Variants in CARHSP1 observed in about 807,000 individuals in gnomAD.
CARHSP1 encodes the protein calcium regulated heat stable protein 1.
Under a neutral mutation model 12.5 loss-of-function variants are expected in CARHSP1, and 14 were observed. The ratio of observed to expected loss-of-function variants is 1.12; its 90% CI spans 0.74 to 1.75. CARHSP1 has a LOEUF of 1.75. Ranked by LOEUF, CARHSP1 falls within the 40% of genes most tolerant of loss-of-function variation. The probability of loss-of-function intolerance (pLI) is 0.00; values close to 1 mark genes in which losing one functional copy is unlikely to be tolerated. For missense variants in CARHSP1, 343 were observed against 201.6 expected (o/e 1.70, Z -4.25); for synonymous variants, 161 against 82.0 (o/e 1.96, Z -5.20).
chr16:8,861,548 C>T, intron 1 of CARHSP1: 1 of 1,187,038 alleles, frequency 8.4e-7, no homozygotes, highest in Non-Finnish European at 1.1e-6. Context: ...AGGGATGCCC[C>T]ATCCCTGAAA....
At chr16:8,856,411 C>T (rs913231491) in intron 3 of CARHSP1, among the ~76,000 whole-genome samples, 4 of 152,234 alleles carry the variant, frequency 2.6e-5, no homozygotes, top group South Asian at 4.1e-4. Context: ...AATAAATCTG[C>T]AGCCTACTTC....
At position 8,853,302 on chromosome 16, in the gene CARHSP1, C is replaced by T. The variant is rs542192201; in HGVS notation, c.*1862G>A. 3 of 151,238 alleles carry T rather than the reference C, an allele frequency of 2.0e-5. No individual in the cohort carries two copies. Among genetic ancestry groups the T allele is most frequent in the East Asian group, 3.9e-4 (2 of 5,108 alleles). The allele number at this position is 151,238 out of a possible 1,614,324, so 9.4% of individuals were successfully genotyped here. On this transcript the variant is annotated 3_prime_UTR_variant, in exon 4 of 4. Transcript: ENST00000311052. ...GTGTGGACTGTACCAGCAGATGGGC[C>T]CTTGGGAAGCCAACAGGGAACAATT... is the stretch of plus-strand genomic sequence containing the variant.
chr16:8,858,269 G>C lies in CARHSP1; in HGVS notation c.281+81C>G, dbSNP rs2061215972. The C allele has an allele frequency of 9.8e-6, 15 of 1,524,702 alleles. No homozygotes were observed. The South Asian group carries it at 1.2e-4, about 12-fold the overall frequency. The allele number at this position is 1,524,702 out of a possible 1,614,324, so 94.4% of individuals were successfully genotyped here. On this transcript the variant is annotated intron_variant, in intron 3 of 3. Transcript: ENST00000311052. ...TCGTCCTCACACCCAGCGCCCATCA[G>C]AGTCACACACCATCCCCACCTCCAC...
intron 3 of CARHSP1, 143 bp from the exon 4 acceptor site, chr16:8,855,469 C>T (rs976299620): frequency 1.5e-6 from 1 of 663,326 alleles, no homozygotes; most frequent in Non-Finnish European, 2.3e-6. Flanking sequence ...CAAAGAACTG[C>T]CCCTCCACCA....
At chr16:8,858,960 C>A in intron 2 of CARHSP1, 1 of 484,244 alleles carries the variant, frequency 2.1e-6, no homozygotes, top group Non-Finnish European at 3.6e-6. Flanking sequence ...ATTGCCACTC[C>A]CAGCTGGTAA....
rs751899123 is a variant in CARHSP1 at position 8,854,215 on chromosome 16, C to T, written c.*949G>A. 6.6e-6 allele frequency: 1 copy of T among 152,030 alleles called. No individual in the cohort carries two copies. The highest frequency in any genetic ancestry group is 1.5e-5 in the Non-Finnish European group (1 of 68,012). The allele number at this position is 152,030 out of a possible 1,614,324, so 9.4% of individuals were successfully genotyped here. A position where few individuals can be genotyped will look rare whatever the true frequency, so the allele number is the denominator to read the frequency against. On this transcript the variant is annotated 3_prime_UTR_variant, in exon 4 of 4. Transcript: ENST00000311052. ...TTCTTAACACTAGTTTTAAAGAAAACCCCCTCTCCAAAGGTATGTTTCTCC... is the reference window on the plus strand; with the variant it reads ...TTCTTAACACTAGTTTTAAAGAAAATCCCCTCTCCAAAGGTATGTTTCTCC...
At position 8,860,140 on chromosome 16, in the gene CARHSP1, C is replaced by T. The variant is rs904444768; in HGVS notation, c.-7-805G>A. ...TGTCCGCCTCCAGGGAACTGTGGAA[C>T]ACGTCGCAGAGAGCTCAAGCGCCAC... On this transcript the variant is annotated intron_variant, in intron 1 of 3. Transcript: ENST00000311052. 6 of 985,350 alleles carry T rather than the reference C, an allele frequency of 6.1e-6. No homozygotes were observed. The African/African-American group carries it at 8.7e-5, about 14-fold the overall frequency. 61.0% of individuals were successfully genotyped at this position (985,350 alleles called of 1,614,324 possible).
rs915476509 is a variant in CARHSP1, at chr16:8,868,958, C to A, written c.-8+8G>T. On this transcript the variant is annotated splice_region_variant and intron_variant, in intron 1 of 3. Coordinates refer to ENST00000311052, the MANE Select transcript of CARHSP1 (RefSeq NM_014316.4). ...CCTATCCTGGGGTCCCCGAGAAGAG[C>A]TCCCTACCCTGCAATCCGTTCTGCT... is the stretch of plus-strand genomic sequence containing the variant. 3 of 151,986 alleles carry A rather than the reference C, an allele frequency of 2.0e-5. No homozygotes were observed. Among genetic ancestry groups the A allele is most frequent in the Admixed American group, 6.5e-5 (1 of 15,282 alleles). 9.4% of individuals were successfully genotyped at this position (151,986 alleles called of 1,614,324 possible).
At chr16:8,866,657 C>T (rs1260568851) in intron 1 of CARHSP1, among the ~76,000 whole-genome samples, 3 of 133,490 alleles carry the variant, frequency 2.2e-5, no homozygotes, top group Non-Finnish European at 4.7e-5. Flanking sequence ...TCCATTGTTC[C>T]GGGGAGAGCG....
chr16:8,856,567 G>C (rs1020923718), intron 3 of CARHSP1, among the ~76,000 whole-genome samples: 2 of 150,024 alleles, frequency 1.3e-5, no homozygotes, highest in Non-Finnish European at 1.5e-5. Flanking sequence ...GCATGCATAT[G>C]TGAAATGCGT....
chr16:8,862,506 C>T (rs1319715451), intron 1 of CARHSP1, among the ~76,000 whole-genome samples: 2 of 151,996 alleles, frequency 1.3e-5, no homozygotes, highest in Non-Finnish European at 2.9e-5. Flanking sequence ...GTTAAATAAA[C>T]ATAAACCAGA....
At chr16:8,862,279 T>C (rs765301718) in intron 1 of CARHSP1, among the ~76,000 whole-genome samples, 1 of 152,112 alleles carries the variant, frequency 6.6e-6, no homozygotes, top group Non-Finnish European at 1.5e-5. Flanking sequence ...GGAATTATAA[T>C]AGTCCCGATT....
Position 8,866,582 on chromosome 16 carries a change from G to C in CARHSP1, c.-8+2384C>G, listed in dbSNP as rs144721174. ...CCCAGATAGAAGGGTCCCTGGAAGC[G>C]ATAGAGGCCGAGAACGAGCCAGAGG... On this transcript the variant is annotated intron_variant, in intron 1 of 3. Coordinates refer to ENST00000311052, the MANE Select transcript of CARHSP1 (RefSeq NM_014316.4). 811 of 368,272 alleles carry C rather than the reference G, an allele frequency of 2.2e-3. 3 individuals are homozygous for C. The highest frequency in any genetic ancestry group is 0.016 in the African/African-American group (713 of 45,452). 22.8% of individuals were successfully genotyped at this position (368,272 alleles called of 1,614,324 possible). A position where few individuals can be genotyped will look rare whatever the true frequency, so the allele number is the denominator to read the frequency against.
chr16:8,866,490 C>T (rs2061457162), intron 1 of CARHSP1: 2 of 985,100 alleles, frequency 2.0e-6, no homozygotes, highest in African/African-American at 3.5e-5. Flanking sequence ...CAGTCTCCAG[C>T]GCAGCTGAGC....
At chr16:8,861,946 A>G in intron 1 of CARHSP1, 1 of 269,858 alleles carries the variant, frequency 3.7e-6, no homozygotes, top group Non-Finnish European at 5.7e-6. Flanking sequence ...TGTTCTATCC[A>G]AAGTCTCCCT....
intron 1 of CARHSP1, among the ~76,000 whole-genome samples, chr16:8,866,780 C>G (rs370001692): frequency 5.9e-5 from 9 of 151,580 alleles, no homozygotes; most frequent in African/African-American, 2.2e-4. Flanking sequence ...GCAGCCAGGC[C>G]GGAGTCAGCC....
In CARHSP1 at chr16:8,861,989, C is replaced by CTTTTTTTTTTTTTTTTT. The variant is rs537614451; in HGVS notation, c.-7-2671_-7-2655dup. 8.3e-4 allele frequency among the ~76,000 whole-genome samples: 66 copies of CTTTTTTTTTTTTTTTTT among 79,788 alleles called. 9 individuals are homozygous for CTTTTTTTTTTTTTTTTT. Among genetic ancestry groups the CTTTTTTTTTTTTTTTTT allele is most frequent in the Non-Finnish European group, 1.3e-3 (50 of 38,840 alleles). The allele number at this position is 79,788 out of a possible 152,430, so 52.3% of individuals were successfully genotyped here. ...TTCTCCTGGAGTCAAGCATAGCTGA[C>CTTTTTTTTTTTTTTTTT]TTTTTTTTTTTTTTTTTTTTTTTTT... On this transcript the variant is annotated intron_variant, in intron 1 of 3. Transcript: ENST00000311052.
intron 1 of CARHSP1, chr16:8,868,356 G>A (rs1567192635): frequency 1.3e-5 from 2 of 152,142 alleles, no homozygotes; most frequent in African/African-American, 2.4e-5. Context: ...TGCGGAAAGG[G>A]GGCCTGTGGG....
intron 1 of CARHSP1, among the ~76,000 whole-genome samples, chr16:8,866,668 GGGGGTCT>G (rs1188494381): frequency 6.6e-6 from 1 of 151,688 alleles, no homozygotes; most frequent in Non-Finnish European, 1.5e-5. Context: ...GGGGAGAGCG[GGGGGTCT>G]GGCGAGGGAG....
Sources: gnomAD v4.1 joint callset for allele counts (sites outside exome capture counted in the v4.1 genomes callset) on GRCh38, gnomAD v4.1.1 for gene constraint, MANE v1.5 for transcripts, NCBI Gene and HGNC (gene_info 2026-07-23, HGNC 2026-07-21) for gene names.